The following SORCS2 variants were observed in gnomAD, a reference collection of about 807,000 sequenced individuals.
SORCS2 encodes the protein VPS10 domain-containing receptor SorCS2.
SORCS2 carries 100 observed loss-of-function variants against 141.6 expected under a neutral mutation model. That is an observed-to-expected ratio of 0.71 (90% CI 0.60 to 0.83). The LOEUF is 0.83. SORCS2 is among the 40% of genes least tolerant of loss of function. SORCS2 has a pLI of 0.00. For missense variants in SORCS2, 1,646 were observed against 1,560.2 expected (o/e 1.05, Z -0.93); for synonymous variants, 789 against 676.9 (o/e 1.17, Z -2.57).
At chr4:7,358,635 T>C (rs1228494831) in intron 1 of SORCS2, among the ~76,000 whole-genome samples, 1 of 152,202 alleles carries the variant, frequency 6.6e-6, no homozygotes, top group East Asian at 1.9e-4. Flanking sequence ...TTTCTATTTG[T>C]TAAGTCACAG....
chr4:7,237,441 C>T (rs1308350096), intron 1 of SORCS2, among the ~76,000 whole-genome samples: 1 of 152,284 alleles, frequency 6.6e-6, no homozygotes, highest in African/African-American at 2.4e-5. Context: ...CCCAAGGGGA[C>T]CCTGTTCACA....
At chr4:7,588,135 G>GGTT (rs1400652544) in intron 3 of SORCS2, among the ~76,000 whole-genome samples, 1 of 152,196 alleles carries the variant, frequency 6.6e-6, no homozygotes, top group Non-Finnish European at 1.5e-5. Context: ...GGGTCCCTCT[G>GGTT]AATAAGCAAA....
At chr4:7,248,373 C>T (rs1266924937) in intron 1 of SORCS2, among the ~76,000 whole-genome samples, 4 of 152,184 alleles carry the variant, frequency 2.6e-5, no homozygotes, top group Non-Finnish European at 4.4e-5. Flanking sequence ...ATTATAATCA[C>T]CACACCAGGT....
At chr4:7,510,601 G>A (rs1457002753) in intron 2 of SORCS2, among the ~76,000 whole-genome samples, 6 of 150,870 alleles carry the variant, frequency 4.0e-5, no homozygotes, top group African/African-American at 1.5e-4. Context: ...TGTTCTGTGC[G>A]CGGCATGTCC....
At chr4:7,593,268 C>T (rs1717035637) in intron 3 of SORCS2, among the ~76,000 whole-genome samples, 1 of 152,180 alleles carries the variant, frequency 6.6e-6, no homozygotes, top group Non-Finnish European at 1.5e-5. Context: ...CTGCTGCAAT[C>T]TTTTGGCCAA....
chr4:7,738,967 G>A (rs1035210644), intron 26 of SORCS2, among the ~76,000 whole-genome samples: 14 of 152,214 alleles, frequency 9.2e-5, no homozygotes, highest in South Asian at 4.1e-4. Flanking sequence ...TCCTCATGGC[G>A]TGATGCGTCT....
chr4:7,395,651 G>A (rs894758002), intron 1 of SORCS2, among the ~76,000 whole-genome samples: 27 of 9,658 alleles, frequency 2.8e-3, no homozygotes, highest in African/African-American at 4.0e-3. Context: ...TGCAAACAGC[G>A]TGGTCAGGTG....
intron 25 of SORCS2, among the ~76,000 whole-genome samples, chr4:7,736,675 G>A (rs1434958603): frequency 3.3e-5 from 5 of 152,338 alleles, no homozygotes; most frequent in East Asian, 1.9e-4. Flanking sequence ...GAGCTGGGCC[G>A]GCTCGTGCCT....
chr4:7,420,897 G>A (rs901801660), intron 2 of SORCS2, among the ~76,000 whole-genome samples: 14 of 152,136 alleles, frequency 9.2e-5, no homozygotes, highest in African/African-American at 3.4e-4. Context: ...GGAGCCTCTC[G>A]CTTGCCTCCT....
At chr4:7,432,989 G>T in intron 2 of SORCS2, 1 of 213,946 alleles carries the variant, frequency 4.7e-6, no homozygotes, top group Non-Finnish European at 9.2e-6. Flanking sequence ...GAAGGTAAAG[G>T]GGCACCTGAG....
intron 3 of SORCS2, among the ~76,000 whole-genome samples, chr4:7,572,203 A>G (rs6857946): frequency 0.87 from 131,854 of 152,098 alleles, 57,595 homozygotes; most frequent in East Asian, 0.92. Flanking sequence ...CAGGGCGTCC[A>G]AAGCTGAGGC....
chr4:7,708,842 T>C (rs1027807198), intron 14 of SORCS2, among the ~76,000 whole-genome samples: 1 of 152,202 alleles, frequency 6.6e-6, no homozygotes, highest in African/African-American at 2.4e-5. Context: ...ATGGGGACCC[T>C]GGGAGCCTGT....
chr4:7,639,426 A>ACACTTGTAAGTGTGTGTGTG (rs1720489633), intron 4 of SORCS2, among the ~76,000 whole-genome samples: 1 of 50,208 alleles, frequency 2.0e-5, no homozygotes, highest in Non-Finnish European at 5.3e-5. Flanking sequence ...GTGTGTGTGT[A>ACACTTGTAAGTGTGTGTGTG]TGCACACTTG....
intron 12 of SORCS2, among the ~76,000 whole-genome samples, chr4:7,698,747 T>C (rs1724862230): frequency 6.6e-6 from 1 of 152,214 alleles, no homozygotes; most frequent in South Asian, 2.1e-4. Context: ...TCCCGAAAGA[T>C]GGCGCAGTGC....
chr4:7,244,742 G>A (rs932832660), intron 1 of SORCS2, among the ~76,000 whole-genome samples: 1 of 152,214 alleles, frequency 6.6e-6, no homozygotes, highest in Non-Finnish European at 1.5e-5. Flanking sequence ...CCCAACTCTT[G>A]TTTAAACAAT....
intron 1 of SORCS2, among the ~76,000 whole-genome samples, chr4:7,280,525 T>A (rs1011709188): frequency 1.3e-5 from 2 of 152,180 alleles, no homozygotes; most frequent in Admixed American, 1.3e-4. Flanking sequence ...CATCGTTCGC[T>A]CATGAGAGGA....
intron 3 of SORCS2, among the ~76,000 whole-genome samples, chr4:7,556,994 T>A (rs1439018000): frequency 1.4e-5 from 2 of 143,946 alleles, no homozygotes; most frequent in Non-Finnish European, 3.0e-5. Context: ...CATCCGTCCA[T>A]CTATCCATTT....
chr4:7,265,658 CTG>C (rs1714676024), intron 1 of SORCS2, among the ~76,000 whole-genome samples: 1 of 152,198 alleles, frequency 6.6e-6, no homozygotes, highest in Non-Finnish European at 1.5e-5. Context: ...GTCTTCTTGT[CTG>C]TGTCTCCTAT....
rs1323215960 is a variant in SORCS2 at position 7,726,828 on chromosome 4, G to C, written c.2794G>C (p.Gly932Arg). The change falls in exon 21 of 27, where the codon GGC becomes CGC. Residue 932 changes from glycine (G) to arginine (R), a missense_variant. Physicochemically the swap from Gly to Arg is moderately radical, Grantham distance 125. Coordinates refer to ENST00000507866, the MANE Select transcript of SORCS2 (RefSeq NM_020777.3). ...TGTGACAACGCGGTTTTCGGACACG[G>C]GCGACGTGCGTGTGACGGTGCAGGC... ...NSVTTRFSDT[G>R]DVRVTVQAAC... 2 of 1,613,748 alleles carry C rather than the reference G, an allele frequency of 1.2e-6. No individual in the cohort carries two copies. The highest frequency in any genetic ancestry group is 1.7e-6 in the Non-Finnish European group (2 of 1,179,864).
Sources: allele counts gnomAD v4.1 joint callset (sites outside exome capture counted in the v4.1 genomes callset), GRCh38; gene constraint gnomAD v4.1.1; transcripts MANE v1.5; gene names NCBI Gene and HGNC (gene_info 2026-07-23, HGNC 2026-07-21).